The following NAALADL2 variants were observed in gnomAD, a reference collection of about 807,000 sequenced individuals.
NAALADL2 encodes the protein inactive N-acetylated-alpha-linked acidic dipeptidase-like protein 2.
A neutral mutation model predicts 87.2 loss-of-function variants in NAALADL2; 76 were observed. The ratio of observed to expected loss-of-function variants is 0.87; its 90% CI spans 0.72 to 1.05. The LOEUF (loss-of-function observed/expected upper bound fraction) is 1.05. Ranked by LOEUF, NAALADL2 falls within the 50% of genes least tolerant of loss-of-function variation. NAALADL2 has a pLI of 0.00. For synonymous variants in NAALADL2, 354 were observed against 331.0 expected (o/e 1.07, Z -0.75); for missense variants, 1,089 against 945.8 (o/e 1.15, Z -1.99).
chr3:175,311,795 C>A (rs1026333647), intron 4 of NAALADL2, among the ~76,000 whole-genome samples: 3 of 151,948 alleles, frequency 2.0e-5, no homozygotes, highest in Admixed American at 1.3e-4. Flanking sequence ...CAGAACTCTG[C>A]AGCAGCCCTA....
intron 1 of NAALADL2, among the ~76,000 whole-genome samples, chr3:174,898,508 C>T (rs543872964): frequency 2.6e-4 from 39 of 151,936 alleles, no homozygotes; most frequent in African/African-American, 8.9e-4. Context: ...GAATATAATT[C>T]GATTGTTTGT....
chr3:175,734,414 G>T (rs62286100), intron 11 of NAALADL2, among the ~76,000 whole-genome samples: 3 of 151,984 alleles, frequency 2.0e-5, no homozygotes, highest in African/African-American at 7.3e-5. Flanking sequence ...AAAATTAGCT[G>T]GGCGTGGTGG....
intron 1 of NAALADL2, among the ~76,000 whole-genome samples, chr3:174,531,101 G>A (rs1345359553): frequency 1.3e-5 from 2 of 152,050 alleles, no homozygotes; most frequent in Admixed American, 6.5e-5. Context: ...CAAATTTAGT[G>A]TAATTAAAAA....
Position 174,474,951 on chromosome 3 carries a change from C to T in NAALADL2, c.-184+33919C>T, listed in dbSNP as rs114740162. On this transcript the variant is annotated intron_variant, in intron 1 of 3. Coordinates refer to the NAALADL2 transcript ENST00000434257. ...TTCTTAATCTGATATAGACATTGCC[C>T]TTAGGATAGATAAGATGTGATTATA... is the stretch of plus-strand genomic sequence containing the variant. 1.8e-3 allele frequency among the ~76,000 whole-genome samples: 281 copies of T among 151,924 alleles called. 1 individual carries two copies. The highest frequency in any genetic ancestry group is 6.5e-3 in the African/African-American group (269 of 41,482).
intron 1 of NAALADL2, among the ~76,000 whole-genome samples, chr3:175,003,921 A>T (rs1275921590): frequency 1.3e-5 from 2 of 152,194 alleles, no homozygotes; most frequent in Non-Finnish European, 2.9e-5. Context: ...CTTCGAAGAC[A>T]GAAAACAACA....
At chr3:175,047,076 A>G (rs1391131595) in intron 1 of NAALADL2, among the ~76,000 whole-genome samples, 1 of 152,124 alleles carries the variant, frequency 6.6e-6, no homozygotes, top group Non-Finnish European at 1.5e-5. Flanking sequence ...TCTCTTTTAT[A>G]AGAGCACGAA....
At chr3:174,697,130 G>A (rs1238153890) in intron 2 of NAALADL2, among the ~76,000 whole-genome samples, 2 of 151,946 alleles carry the variant, frequency 1.3e-5, no homozygotes, top group South Asian at 4.1e-4. Flanking sequence ...AAAAAAATAC[G>A]CATAGAAAAT....
chr3:174,908,376 A>T (rs1425770252), intron 1 of NAALADL2, among the ~76,000 whole-genome samples: 1 of 152,098 alleles, frequency 6.6e-6, no homozygotes, highest in Non-Finnish European at 1.5e-5. Flanking sequence ...AGCACGCCAG[A>T]TGGAAAGTTC....
chr3:175,374,359 G>T lies in NAALADL2; in HGVS notation c.1090+50034G>T, dbSNP rs114285396. On this transcript the variant is annotated intron_variant, in intron 5 of 13. Transcript: ENST00000454872. ...ATTTGAGATCAGGAGTTCAAGACCA[G>T]CTTGGCCCACATGGTGAGACCTTGT... Among the ~76,000 whole-genome samples, 1,411 of 151,594 alleles carry T rather than the reference G, an allele frequency of 9.3e-3. 7 individuals carry two copies. Among genetic ancestry groups the T allele is most frequent in the Non-Finnish European group, 0.016 (1,072 of 67,874 alleles).
At chr3:175,271,553 A>G (rs187030961) in intron 4 of NAALADL2, among the ~76,000 whole-genome samples, 33 of 152,304 alleles carry the variant, frequency 2.2e-4, no homozygotes, top group African/African-American at 6.7e-4. Context: ...GCACTTTGGC[A>G]GGCCGAGGTG....
At chr3:174,874,735 T>C (rs374754571) in intron 1 of NAALADL2, among the ~76,000 whole-genome samples, 4 of 152,182 alleles carry the variant, frequency 2.6e-5, no homozygotes, top group African/African-American at 9.6e-5. Context: ...GTCCTATTTT[T>C]ATGAGTAGAT....
chr3:174,636,407 A>G (rs1427633242), intron 2 of NAALADL2, among the ~76,000 whole-genome samples: 5 of 152,184 alleles, frequency 3.3e-5, no homozygotes, highest in Non-Finnish European at 5.9e-5. Flanking sequence ...AAGACAACCT[A>G]TTGAGTGGGA....
chr3:174,830,837 G>T (rs561272928), intron 3 of NAALADL2, among the ~76,000 whole-genome samples: 398 of 152,126 alleles, frequency 2.6e-3, no homozygotes, highest in African/African-American at 9.4e-3. Context: ...CTTGTAAGTT[G>T]GACTCCTAGG....
Position 175,565,660 on chromosome 3 carries a change from C to T in NAALADL2, c.1654-10381C>T, listed in dbSNP as rs540231682. ...GCAATTTCTCTTATCTGTTCTCTCC[C>T]CAGTGATATATGCATTTTTGATGGT... On this transcript the variant is annotated intron_variant, in intron 9 of 13. Coordinates refer to ENST00000454872, the MANE Select transcript of NAALADL2 (RefSeq NM_207015.3). Among the ~76,000 whole-genome samples, 8 of 152,080 alleles carry T rather than the reference C, an allele frequency of 5.3e-5. No homozygotes were observed. In the South Asian group the frequency reaches 1.0e-3, roughly 20 times the overall value.
chr3:175,139,956 CA>C (rs1444204465), intron 2 of NAALADL2, among the ~76,000 whole-genome samples: 1 of 149,412 alleles, frequency 6.7e-6, no homozygotes, highest in Non-Finnish European at 1.5e-5. Context: ...GGGTAATGGA[CA>C]AAAAAGGATT....
intron 1 of NAALADL2, among the ~76,000 whole-genome samples, chr3:175,045,801 A>G (rs942218863): frequency 3.3e-5 from 5 of 152,166 alleles, no homozygotes; most frequent in African/African-American, 1.2e-4. Context: ...TACTCCAGAG[A>G]TAAACACTAT....
At position 175,066,463 on chromosome 3, in the gene NAALADL2, C is replaced by G. The variant is rs559910054; in HGVS notation, c.44-30327C>G. 8.7e-4 allele frequency among the ~76,000 whole-genome samples: 132 copies of G among 152,174 alleles called. 1 individual carries two copies. Among genetic ancestry groups the G allele is most frequent in the Admixed American group, 2.2e-3 (33 of 15,266 alleles). ...TCAGTGCTCTATCCAGCACCTTGCA[C>G]TGAGACTGCCACAAAGTAGATGCTC... On this transcript the variant is annotated intron_variant, in intron 1 of 13. Coordinates refer to ENST00000454872, the MANE Select transcript of NAALADL2 (RefSeq NM_207015.3).
intron 9 of NAALADL2, among the ~76,000 whole-genome samples, chr3:175,513,305 T>G (rs899784003): frequency 1.3e-5 from 2 of 152,190 alleles, no homozygotes; most frequent in Admixed American, 6.6e-5. Flanking sequence ...TTTTAAAGTT[T>G]AAATTTAAAT....
At chr3:175,228,134 C>T (rs1364744281) in intron 2 of NAALADL2, among the ~76,000 whole-genome samples, 4 of 151,868 alleles carry the variant, frequency 2.6e-5, no homozygotes, top group Admixed American at 1.3e-4. Context: ...AAGGTGTGCT[C>T]ATATTCCCTT....
Sources: gnomAD v4.1 joint callset for allele counts (sites outside exome capture counted in the v4.1 genomes callset) on GRCh38, gnomAD v4.1.1 for gene constraint, MANE v1.5 for transcripts, NCBI Gene and HGNC (gene_info 2026-07-23, HGNC 2026-07-21) for gene names.